SLC5A1: variants seen among roughly 807,000 people sequenced by gnomAD.
SLC5A1 encodes sodium/glucose cotransporter 1.
A neutral mutation model predicts 73.5 loss-of-function variants in SLC5A1; 42 were observed. The ratio of observed to expected loss-of-function variants is 0.57; its 90% CI spans 0.45 to 0.74. SLC5A1 has a LOEUF of 0.74. SLC5A1 is among the 30% of genes least tolerant of loss of function. The pLI, the probability that SLC5A1 is intolerant of heterozygous loss-of-function variation, is 0.00. For missense variants in SLC5A1, 634 were observed against 855.4 expected (o/e 0.74, Z 3.23); for synonymous variants, 300 against 317.4 (o/e 0.95, Z 0.58).
chr22:32,069,224 C>G (rs527311875), intron 5 of SLC5A1, among the ~76,000 whole-genome samples: 1 of 152,216 alleles, frequency 6.6e-6, no homozygotes, highest in South Asian at 2.1e-4. Context: ...AAAAAGTTAA[C>G]TCAGAAGCAG....
intron 13 of SLC5A1, among the ~76,000 whole-genome samples, chr22:32,103,111 T>C (rs552271083): frequency 1.2e-4 from 18 of 152,354 alleles, no homozygotes; most frequent in South Asian, 4.1e-4. Context: ...CTGGATCATA[T>C]GGTGGCTCTA....
rs185840859 is a variant in SLC5A1, at chr22:32,112,643, A to G, written c.*2430A>G. ...AAATATCAGGCCTTGCCCCAGAAAGACAAATACCACATGATCTCACTGATA... is the reference window on the plus strand; with the variant it reads ...AAATATCAGGCCTTGCCCCAGAAAGGCAAATACCACATGATCTCACTGATA... On this transcript the variant is annotated 3_prime_UTR_variant, in exon 15 of 15. Coordinates refer to ENST00000266088, the MANE Select transcript of SLC5A1 (RefSeq NM_000343.4). The G allele has an allele frequency of 6.6e-6, 1 of 152,344 alleles. No homozygotes were observed. The highest frequency in any genetic ancestry group is 1.9e-4 in the East Asian group (1 of 5,182). 9.4% of individuals were successfully genotyped at this position (152,344 alleles called of 1,614,324 possible).
intron 2 of SLC5A1, among the ~76,000 whole-genome samples, chr22:32,060,772 G>A (rs1430787620): frequency 6.6e-6 from 1 of 151,968 alleles, no homozygotes; most frequent in Non-Finnish European, 1.5e-5. Context: ...GTCTCGCTAT[G>A]TTACCCAGGC....
rs36111134 is a variant in SLC5A1, at chr22:32,110,767, TG to T, written c.*557del. ...ATGGAGCTTGATGGGCTCCCTGTCC[TG>T]GGTGTTTGCTCTCTGAAGTGGAGGC... On this transcript the variant is annotated 3_prime_UTR_variant, in exon 15 of 15. Coordinates refer to ENST00000266088, the MANE Select transcript of SLC5A1 (RefSeq NM_000343.4). The T allele has an allele frequency of 5.7e-6, 1 of 176,046 alleles. No homozygotes were observed. The highest frequency in any genetic ancestry group is 1.2e-5 in the Non-Finnish European group (1 of 81,680). The allele number at this position is 176,046 out of a possible 1,614,324, so 10.9% of individuals were successfully genotyped here. A position where few individuals can be genotyped will look rare whatever the true frequency, so the allele number is the denominator to read the frequency against.
intron 1 of SLC5A1, among the ~76,000 whole-genome samples, chr22:32,046,136 C>A (rs527411728): frequency 7.2e-5 from 11 of 152,312 alleles, no homozygotes; most frequent in African/African-American, 1.4e-4. Context: ...GGGAGCCCAA[C>A]CTTTCTGTTT....
At chr22:32,109,230 G>T (rs750915130) in intron 14 of SLC5A1, among the ~76,000 whole-genome samples, 20 of 152,032 alleles carry the variant, frequency 1.3e-4, no homozygotes, top group Non-Finnish European at 2.8e-4. Context: ...GCTTTGCAGG[G>T]TCTGTGACTG....
chr22:32,093,588 CTTT>C (rs557285566), intron 11 of SLC5A1, among the ~76,000 whole-genome samples: 1 of 146,618 alleles, frequency 6.8e-6, no homozygotes, highest in Non-Finnish European at 1.5e-5. Flanking sequence ...CTCTCTCTTT[CTTT>C]TTTTTTTGCA....
intron 2 of SLC5A1, among the ~76,000 whole-genome samples, chr22:32,051,808 A>G (rs898169850): frequency 3.3e-5 from 5 of 152,260 alleles, no homozygotes; most frequent in Non-Finnish European, 7.3e-5. Context: ...CTGCTATGCA[A>G]TCTCTGTCAC....
chr22:32,044,032 C>CT (rs1012466937), intron 1 of SLC5A1, among the ~76,000 whole-genome samples: 5 of 151,834 alleles, frequency 3.3e-5, no homozygotes, highest in Non-Finnish European at 7.4e-5. Context: ...GGTGACCTGG[C>CT]ACTGGGGAGA....
intron 10 of SLC5A1, among the ~76,000 whole-genome samples, chr22:32,088,402 T>C (rs1002426019): frequency 2.0e-5 from 3 of 150,686 alleles, no homozygotes; most frequent in African/African-American, 7.3e-5. Flanking sequence ...AATGGCGTGA[T>C]CTCAGCTCAC....
At chr22:32,071,583 AG>A (rs994688476) in intron 5 of SLC5A1, among the ~76,000 whole-genome samples, 41 of 152,264 alleles carry the variant, frequency 2.7e-4, no homozygotes, top group African/African-American at 9.6e-4. Flanking sequence ...GAGATCACAT[AG>A]GGAGTAGCTC....
chr22:32,091,298 A>AACACACACAC (rs67059150), intron 10 of SLC5A1, among the ~76,000 whole-genome samples: 11 of 139,022 alleles, frequency 7.9e-5, no homozygotes, highest in East Asian at 2.3e-4. Context: ...CACATACACA[A>AACACACACAC]ACACACACAC....
At chr22:32,058,476 A>C (rs572821256) in intron 2 of SLC5A1, among the ~76,000 whole-genome samples, 11 of 152,350 alleles carry the variant, frequency 7.2e-5, no homozygotes, top group Non-Finnish European at 1.5e-4. Context: ...ATAGCAATGA[A>C]CATACTGATG....
At position 32,109,979 on chromosome 22, in the gene SLC5A1, C is replaced by A. The variant is rs764926338; in HGVS notation, c.1772-11C>A. 1 of 1,610,752 alleles carries A rather than the reference C, an allele frequency of 6.2e-7. No individual in the cohort carries two copies. Among genetic ancestry groups the A allele is most frequent in the African/African-American group, 1.3e-5 (1 of 74,950 alleles). ...TTCTGTGTCCAATAATTCTTCTATG[C>A]CTTTGCCCAGAAACACAAGTTCCTG... On this transcript the variant is annotated splice_polypyrimidine_tract_variant and intron_variant, in intron 14 of 14. Coordinates refer to ENST00000266088, the MANE Select transcript of SLC5A1 (RefSeq NM_000343.4).
intron 11 of SLC5A1, 74 bp from the exon 12 acceptor site, chr22:32,099,099 AAAAAAAATAT>A (rs1339813222): frequency 2.5e-3 from 403 of 160,280 alleles, no homozygotes; most frequent in African/African-American, 7.9e-3. Flanking sequence ...AAAAAAAAAA[AAAAAAAATAT>A]ATATATATAT....
rs2094004880 is a variant in SLC5A1, at chr22:32,084,530, G to C, written c.756G>C (p.Gln252His). The change falls in exon 8 of 15, where the codon CAG (glutamine) becomes CAC (histidine). Residue 252 changes from glutamine to histidine, a missense_variant. Gln to His is a conservative substitution (Grantham distance 24). Transcript: ENST00000266088. ...TIVSDGNTTF[Q>H]EKCYTPRADS... is the part of the protein sequence containing the mutation. ...TGTCTGATGGCAACACCACCTTTCA[G>C]GAAAAATGCTACACTCCAAGGGCCG... The C allele has an allele frequency of 1.2e-6, 2 of 1,614,134 alleles. No homozygotes were observed. The highest frequency in any genetic ancestry group is 2.2e-5 in the South Asian group (2 of 91,094).
chr22:32,066,815 C>G, intron 2 of SLC5A1, 120 bp from the exon 3 acceptor site: 2 of 731,198 alleles, frequency 2.7e-6, no homozygotes, highest in Admixed American at 4.0e-5. Context: ...AGTTTTCTCC[C>G]AGCCCACCTC....
chr22:32,057,326 G>A (rs2093953332), intron 2 of SLC5A1, among the ~76,000 whole-genome samples: 1 of 152,188 alleles, frequency 6.6e-6, no homozygotes, highest in Admixed American at 6.5e-5. Flanking sequence ...GAGTGCAGTG[G>A]TGTGATCACA....
chr22:32,091,330 CACACACACACA>C (rs2094017117), intron 10 of SLC5A1, among the ~76,000 whole-genome samples: 1 of 148,864 alleles, frequency 6.7e-6, no homozygotes, highest in African/African-American at 2.6e-5. Flanking sequence ...CACACACACA[CACACACACACA>C]CCCCACCACC....
Sources: gnomAD v4.1 joint callset for allele counts (sites outside exome capture counted in the v4.1 genomes callset) on GRCh38, gnomAD v4.1.1 for gene constraint, MANE v1.5 for transcripts, NCBI Gene and HGNC (gene_info 2026-07-23, HGNC 2026-07-21) for gene names.